AFF2: variants seen among roughly 807,000 people sequenced by gnomAD.
AFF2 encodes the protein AF4/FMR2 family member 2.
Under a neutral mutation model 76.9 loss-of-function variants are expected in AFF2, and 14 were observed. The observed-to-expected ratio is 0.18, with a 90% confidence interval of 0.12 to 0.28. The LOEUF is 0.28. Ranked by LOEUF, AFF2 falls within the 10% of genes least tolerant of loss-of-function variation. The probability of loss-of-function intolerance (pLI) is 1.00; values close to 1 mark genes in which losing one functional copy is unlikely to be tolerated. For synonymous variants in AFF2, 398 were observed against 366.7 expected, an observed-to-expected ratio of 1.09 and a Z score of -0.98; for missense variants, 868 against 1,001.1, an observed-to-expected ratio of 0.87 and a Z score of 1.79.
intron 3 of AFF2, among the ~76,000 whole-genome samples, chrX:148,665,183 C>G (rs4844068): frequency 0.14 from 15,806 of 111,377 alleles, 1,329 homozygotes; most frequent in East Asian, 0.63. Context: ...TTGTAATTCT[C>G]TCTCTTATAC....
intron 3 of AFF2, among the ~76,000 whole-genome samples, chrX:148,730,928 G>A (rs1197834791): frequency 8.9e-6 from 1 of 111,779 alleles, no homozygotes; most frequent in Admixed American, 9.5e-5. Context: ...ATTCCAGGAT[G>A]AGGTGTTTGG....
chrX:148,814,069 G>T (rs782282811), intron 4 of AFF2, among the ~76,000 whole-genome samples: 118 of 112,259 alleles, frequency 1.1e-3, no homozygotes, highest in African/African-American at 3.0e-3. Context: ...ACTCTTTAGA[G>T]TCAAGCTACC....
At chrX:148,734,115 C>G (rs1393923118) in intron 3 of AFF2, among the ~76,000 whole-genome samples, 1 of 112,073 alleles carries the variant, frequency 8.9e-6, no homozygotes, top group Non-Finnish European at 1.9e-5. Flanking sequence ...TGATGAAGTG[C>G]TTGCTCTGCA....
intron 3 of AFF2, among the ~76,000 whole-genome samples, chrX:148,693,188 A>G (rs1296022015): frequency 3.6e-5 from 4 of 111,415 alleles, no homozygotes; most frequent in Non-Finnish European, 5.7e-5. Flanking sequence ...AAGTGCTGGG[A>G]TTACAGGCAT....
At position 148,953,624 on chromosome X, in the gene AFF2, G is replaced by A. The variant is rs142107931; in HGVS notation, c.1442G>A (p.Ser481Asn). 4.1e-6 allele frequency: 5 copies of A among 1,211,926 alleles called. No homozygotes were observed. The highest frequency in any genetic ancestry group is 3.0e-5 in the East Asian group (1 of 33,846). The change falls in exon 10 of 21, where the codon AGC becomes AAC. Residue 481 changes from serine to asparagine, a missense_variant. This residue lies in a region of AFF2 where 532 missense variants were observed against 564.2 expected (regional missense o/e 0.94). Coordinates refer to ENST00000370460, the MANE Select transcript of AFF2 (RefSeq NM_002025.4). ...TPQPPPAVQA[S>N]GGSGSSSESE... ...CAGCCCCCACCTGCAGTGCAAGCCA[G>A]CGGGGGTTCTGGCAGCTCCAGCGAA...
intron 9 of AFF2, among the ~76,000 whole-genome samples, chrX:148,912,127 A>C (rs782692061): frequency 8.0e-5 from 9 of 112,810 alleles, no homozygotes; most frequent in Non-Finnish European, 1.7e-4. Flanking sequence ...TAAGCAAAGT[A>C]ATGCAGGAAC....
intron 5 of AFF2, among the ~76,000 whole-genome samples, chrX:148,840,525 C>T (rs1350685750): frequency 8.9e-6 from 1 of 112,363 alleles, no homozygotes; most frequent in Non-Finnish European, 1.9e-5. Context: ...TTAGGAACTT[C>T]TGATTTTAGG....
chrX:148,687,211 C>T (rs1319071233), intron 3 of AFF2, among the ~76,000 whole-genome samples: 1 of 111,489 alleles, frequency 9.0e-6, no homozygotes, highest in Admixed American at 9.6e-5. Context: ...ATAGGGTTTC[C>T]TTTTTTAAAA....
rs1220759459 is a variant in AFF2 at position 148,885,919 on chromosome X, T to C, written c.1293T>C (p.Ser431=). 5 of 1,208,404 alleles carry C rather than the reference T, an allele frequency of 4.1e-6. No individual in the cohort carries two copies. The highest frequency in any genetic ancestry group is 3.4e-6 in the Non-Finnish European group (3 of 894,355). Residue 431 remains serine, a synonymous_variant, in exon 8 of 21, where the codon AGT becomes AGC. Coordinates refer to ENST00000370460, the MANE Select transcript of AFF2 (RefSeq NM_002025.4). The part of the protein sequence containing the change: ...SMLEDDLKLS[S]DEDDLEPVKT... ...TTGAGGATGACCTGAAGCTGAGCAG[T>C]GATGAAGATGACCTTGAGCCTGTGA...
chrX:148,747,887 G>A (rs2055441912), intron 3 of AFF2, among the ~76,000 whole-genome samples: 1 of 111,271 alleles, frequency 9.0e-6, no homozygotes, highest in African/African-American at 3.3e-5. Flanking sequence ...CGGAAAAAAA[G>A]ATGATAAATG....
At chrX:148,869,413 A>G (rs782014364) in intron 7 of AFF2, among the ~76,000 whole-genome samples, 17 of 112,543 alleles carry the variant, frequency 1.5e-4, no homozygotes, top group African/African-American at 5.5e-4. Context: ...TTAAAAATAA[A>G]ACAAAATAAA....
At chrX:148,650,781 C>G (rs1557256229) in intron 1 of AFF2, among the ~76,000 whole-genome samples, 5 of 111,805 alleles carry the variant, frequency 4.5e-5, no homozygotes, top group Non-Finnish European at 9.4e-5. Flanking sequence ...AGCAAACTAG[C>G]CTACCAATGA....
Position 148,956,072 on chromosome X carries a change from A to G in AFF2, c.2027A>G (p.His676Arg), listed in dbSNP as rs1243799722. 1.7e-6 allele frequency: 2 copies of G among 1,208,727 alleles called. No individual in the cohort carries two copies. The highest frequency in any genetic ancestry group is 2.2e-6 in the Non-Finnish European group (2 of 894,968). The change falls in exon 11 of 21, where the codon CAC (histidine) becomes CGC (arginine). Residue 676 changes from histidine (H) to arginine (R), a missense_variant. Coordinates refer to ENST00000370460, the MANE Select transcript of AFF2 (RefSeq NM_002025.4). ...PPRGRNKATA[H>R]KPAPRKEPRP... ...AGAGGCCGCAACAAAGCCACTGCCC[A>G]CAAACCAGCCCCTAGGAAAGAACCA...
chrX:148,843,543 C>A, intron 7 of AFF2, 110 bp downstream of exon 7: 1 of 634,729 alleles, frequency 1.6e-6, no homozygotes, highest in Non-Finnish European at 2.4e-6. Flanking sequence ...AAACTATGAA[C>A]CTTGACTCAT....
intron 3 of AFF2, among the ~76,000 whole-genome samples, chrX:148,666,076 A>G (rs1049233200): frequency 8.9e-6 from 1 of 111,906 alleles, no homozygotes; most frequent in Non-Finnish European, 1.9e-5. Context: ...ACAAACTATT[A>G]TTGAAATGTG....
intron 3 of AFF2, among the ~76,000 whole-genome samples, chrX:148,768,547 T>TACAC (rs201464527): frequency 9.2e-6 from 1 of 108,979 alleles, no homozygotes; most frequent in Non-Finnish European, 1.9e-5. Context: ...TGCATATGCA[T>TACAC]ACACACACAC....
intron 18 of AFF2, among the ~76,000 whole-genome samples, chrX:148,979,342 G>A (rs1175921989): frequency 1.8e-5 from 2 of 112,356 alleles, no homozygotes; most frequent in Non-Finnish European, 3.8e-5. Flanking sequence ...AAAAGAGCAT[G>A]TTTCCCAGCT....
At chrX:148,579,726 T>C (rs2053332276) in intron 1 of AFF2, among the ~76,000 whole-genome samples, 1 of 111,688 alleles carries the variant, frequency 9.0e-6, no homozygotes, top group Admixed American at 9.5e-5. Flanking sequence ...AAGTAAAAAG[T>C]TTGATGTTTT....
At chrX:148,568,231 A>T (rs1341943121) in intron 1 of AFF2, among the ~76,000 whole-genome samples, 1 of 111,883 alleles carries the variant, frequency 8.9e-6, no homozygotes, top group African/African-American at 3.2e-5. Flanking sequence ...CTGAGCAATA[A>T]ATACCCTGGT....
Sources: allele counts gnomAD v4.1 joint callset (sites outside exome capture counted in the v4.1 genomes callset), GRCh38; gene constraint gnomAD v4.1.1; regional missense constraint gnomAD v4.1.1; transcripts MANE v1.5; gene names NCBI Gene and HGNC (gene_info 2026-07-23, HGNC 2026-07-21).